Variants in EEIG1 observed in about 807,000 individuals in gnomAD.
EEIG1 encodes estrogen-induced osteoclastogenesis regulator 1, also known as early estrogen-induced gene 1 protein.
At chr9:127,955,935 C>G in the EEIG1 span, among the ~76,000 whole-genome samples, 2 of 152,240 alleles carry the variant, frequency 1.3e-5, no homozygotes, top group Non-Finnish European at 2.9e-5. Context: ...TGTGGGAGCA[C>G]TGAGTGAAAT....
chr9:127,950,287 C>A, the EEIG1 span: 1 of 824,340 alleles, frequency 1.2e-6, no homozygotes, highest in South Asian at 1.7e-5. Flanking sequence ...GATTCCAGGG[C>A]TCGCCCCTTC....
At chr9:127,960,177 CG>C in the EEIG1 span, among the ~76,000 whole-genome samples, 6 of 152,110 alleles carry the variant, frequency 3.9e-5, no homozygotes, top group African/African-American at 1.4e-4. Flanking sequence ...CATCTGAGCA[CG>C]GCTTGGACTG....
the EEIG1 span, among the ~76,000 whole-genome samples, chr9:127,978,506 C>A: frequency 1.3e-5 from 2 of 151,192 alleles, no homozygotes. Context: ...AGGCCCTGCC[C>A]GCATACTATT....
At chr9:127,945,857 G>A in the EEIG1 span, 4 of 760,106 alleles carry the variant, frequency 5.3e-6, no homozygotes, top group Non-Finnish European at 8.8e-6. The surrounding 1 kb of genome is among the most constrained non-coding windows in gnomAD (Gnocchi z 6.5). Context: ...ATGGCAGGGC[G>A]CCATTTAACA....
chr9:127,947,145 C>A, the EEIG1 span, among the ~76,000 whole-genome samples: 2 of 151,666 alleles, frequency 1.3e-5, no homozygotes, highest in Admixed American at 1.3e-4. Context: ...CGGTGGCTCA[C>A]GCCTGTAATC....
chr9:127,945,285 G>C, the EEIG1 span: 6 of 1,155,546 alleles, frequency 5.2e-6, no homozygotes, highest in Middle Eastern at 5.9e-4. This position sits in a 1 kb window ranked among gnomAD's most constrained non-coding sequence, Gnocchi z 6.5. Context: ...TACGGTCCCT[G>C]TGTTATAGGT....
At chr9:127,971,630 A>T in the EEIG1 span, among the ~76,000 whole-genome samples, 21 of 152,248 alleles carry the variant, frequency 1.4e-4, no homozygotes, top group African/African-American at 5.1e-4. Flanking sequence ...AGGGGAGAAA[A>T]GCCCCGGCAC....
chr9:127,975,324 G>A, the EEIG1 span, among the ~76,000 whole-genome samples: 6 of 152,182 alleles, frequency 3.9e-5, no homozygotes, highest in South Asian at 2.1e-4. Context: ...GCGGCCACGC[G>A]CCCACCAAAG....
chr9:127,969,507 T>C, the EEIG1 span, among the ~76,000 whole-genome samples: 1 of 152,162 alleles, frequency 6.6e-6, no homozygotes, highest in Non-Finnish European at 1.5e-5. Context: ...GGGCACATAA[T>C]AGGCATTAAC....
the EEIG1 span, chr9:127,945,429 G>A: frequency 6.4e-7 from 1 of 1,569,316 alleles, no homozygotes; most frequent in Non-Finnish European, 8.6e-7. This position sits in a 1 kb window ranked among gnomAD's most constrained non-coding sequence, Gnocchi z 6.5. Context: ...CCGGGGGCCG[G>A]TGCTCCCGCT....
At chr9:127,967,207 G>A in the EEIG1 span, among the ~76,000 whole-genome samples, 2 of 152,208 alleles carry the variant, frequency 1.3e-5, no homozygotes, top group African/African-American at 4.8e-5. Flanking sequence ...AGTTAGGAGG[G>A]AGAAGTGGGA....
the EEIG1 span, chr9:127,948,131 T>C: frequency 6.2e-7 from 1 of 1,613,616 alleles, no homozygotes; most frequent in Non-Finnish European, 8.5e-7. Flanking sequence ...GAGTTGGTGC[T>C]GCTGCCCCCA....
the EEIG1 span, chr9:127,950,839 G>C: frequency 1.1e-5 from 5 of 456,218 alleles, no homozygotes; most frequent in Non-Finnish European, 1.7e-5. Context: ...TGTTGTCCGT[G>C]ACACAGATGC....
chr9:127,943,343 A>G, the EEIG1 span: 3 of 1,124,450 alleles, frequency 2.7e-6, no homozygotes, highest in East Asian at 7.1e-5. Flanking sequence ...ACTGTTAACC[A>G]GCCCTGTGTT....
At chr9:127,943,649 G>C in the EEIG1 span, 1 of 224,562 alleles carries the variant, frequency 4.5e-6, no homozygotes, top group Non-Finnish European at 9.0e-6. Flanking sequence ...GGGGACTCTC[G>C]GGGCTCAGCA....
the EEIG1 span, among the ~76,000 whole-genome samples, chr9:127,976,902 G>C: frequency 6.6e-6 from 1 of 151,936 alleles, no homozygotes; most frequent in Non-Finnish European, 1.5e-5. This position sits in a 1 kb window ranked among gnomAD's most constrained non-coding sequence, Gnocchi z 4.1. Flanking sequence ...ACCAGGTCCA[G>C]TTCCCCCAGA....
the EEIG1 span, chr9:127,942,889 G>C: frequency 2.2e-6 from 1 of 464,478 alleles, no homozygotes; most frequent in East Asian, 4.0e-5. Flanking sequence ...AGCAGCGCCG[G>C]TCCTTGCCAG....
chr9:127,978,596 A>AGGGGGCG, the EEIG1 span, among the ~76,000 whole-genome samples: 1 of 144,086 alleles, frequency 6.9e-6, no homozygotes, highest in Non-Finnish European at 1.5e-5. Flanking sequence ...CTAGAAGGCC[A>AGGGGGCG]GGGGGCGGGG....
the EEIG1 span, among the ~76,000 whole-genome samples, chr9:127,961,893 G>A: frequency 3.9e-5 from 6 of 152,370 alleles, no homozygotes; most frequent in South Asian, 2.1e-4. Context: ...GGAGGATGCC[G>A]GGGCAGGCAT....
Sources: allele counts gnomAD v4.1 joint callset (sites outside exome capture counted in the v4.1 genomes callset), GRCh38; gene constraint gnomAD v4.1.1; non-coding constraint Gnocchi (gnomAD v3.1); transcripts MANE v1.5; gene names NCBI Gene and HGNC (gene_info 2026-07-23, HGNC 2026-07-21).